Variants in ZNF223 observed in about 807,000 individuals in gnomAD.
ZNF223 encodes the protein zinc finger protein 223.
In ZNF223, 9 loss-of-function variants were observed where a neutral mutation model predicts 12.3. That is an observed-to-expected ratio of 0.73 (90% CI 0.44 to 1.28). ZNF223 has a LOEUF of 1.28. Ranked by LOEUF, ZNF223 falls within the 50% of genes most tolerant of loss-of-function variation. The probability of loss-of-function intolerance (pLI) is 0.00; values close to 1 mark genes in which losing one functional copy is unlikely to be tolerated. For missense variants in ZNF223, 506 were observed against 579.0 expected, an observed-to-expected ratio of 0.87 and a Z score of 1.29; for synonymous variants, 171 against 195.2, an observed-to-expected ratio of 0.88 and a Z score of 1.03.
chr19:44,059,422 T>C, intron 2 of ZNF223, among the ~76,000 whole-genome samples: 1 of 152,148 alleles, frequency 6.6e-6, no homozygotes, highest in East Asian at 1.9e-4. Flanking sequence ...GCTGTTGGTG[T>C]GCACTGTGGC....
At chr19:44,056,585 A>ATTTTTTTTTTTTTTTTT (rs775187674) in intron 2 of ZNF223, among the ~76,000 whole-genome samples, 3 of 72,158 alleles carry the variant, frequency 4.2e-5, no homozygotes, top group African/African-American at 2.0e-4. Context: ...ATGCCTCACC[A>ATTTTTTTTTTTTTTTTT]TTTTTTTTTT....
Position 44,062,222 on chromosome 19 carries a change from G to A in ZNF223, c.235+1381G>A, listed in dbSNP as rs78112898. ...GGAAGCCATAGGGGTTTGATTTCAG[G>A]ACCCCACATGGATACCGAAAGCCAG... On this transcript the variant is annotated intron_variant, in intron 4 of 4. Transcript: ENST00000434772. 8.2e-3 allele frequency among the ~76,000 whole-genome samples: 1,248 copies of A among 152,222 alleles called. 8 individuals are homozygous for A. The highest frequency in any genetic ancestry group is 0.014 in the Middle Eastern group (4 of 294).
Position 44,066,318 on chromosome 19 carries a change from G to C in ZNF223, c.490G>C (p.Asp164His). The change falls in exon 5 of 5, where the codon GAT becomes CAT. Residue 164 changes from aspartate (D) to histidine (H), a missense_variant. Transcript: ENST00000434772. ...ATCCTTCAGTGATATGTCCATCTTTGATCTTCCTCAGCAAATACGCTCAGC... is the reference window on the plus strand; with the variant it reads ...ATCCTTCAGTGATATGTCCATCTTTCATCTTCCTCAGCAAATACGCTCAGC... ...KQSFSDMSIFDLPQQIRSAEK... is the reference protein window; with the variant it reads ...KQSFSDMSIFHLPQQIRSAEK... 6.2e-7 allele frequency: 1 copy of C among 1,614,186 alleles called. No individual in the cohort carries two copies. The highest frequency in any genetic ancestry group is 8.5e-7 in the Non-Finnish European group (1 of 1,180,036).
intron 2 of ZNF223, among the ~76,000 whole-genome samples, chr19:44,057,051 TA>T (rs2147470787): frequency 6.6e-6 from 1 of 152,228 alleles, no homozygotes; most frequent in East Asian, 1.9e-4. Context: ...AAGGCAATTG[TA>T]AAAGAAGAAA....
Position 44,066,872 on chromosome 19 carries a change from A to G in ZNF223, c.1044A>G (p.Glu348=), listed in dbSNP as rs760758071. 1 of 1,614,164 alleles carries G rather than the reference A, an allele frequency of 6.2e-7. No individual in the cohort carries two copies. The highest frequency in any genetic ancestry group is 1.7e-5 in the Admixed American group (1 of 60,026). ...GAGAGAAACCATATAATTGTAAAGAATGTGGGAAGAGCTTCAGACGGTCCT... is the reference window on the plus strand; with the variant it reads ...GAGAGAAACCATATAATTGTAAAGAGTGTGGGAAGAGCTTCAGACGGTCCT... ...HTGEKPYNCK[E]CGKSFRRSSY... The change falls in exon 5 of 5, where the codon GAA becomes GAG. Residue 348 remains glutamate, a synonymous_variant. Transcript: ENST00000434772.
chr19:44,056,361 C>CAAAAAAAAAAAAAAA (rs1227362311), intron 2 of ZNF223, among the ~76,000 whole-genome samples: 1 of 78,852 alleles, frequency 1.3e-5, no homozygotes. Context: ...ACTAAAAATA[C>CAAAAAAAAAAAAAAA]AAAAAAAAAA....
At chr19:44,051,819 A>T (rs1976703904), upstream of ZNF223, 1 of 152,182 alleles carries the variant, frequency 6.6e-6, no homozygotes, top group South Asian at 2.1e-4. Context: ...TTTCCGGAGA[A>T]TTCTGGGAAG....
At chr19:44,061,140 A>G (rs1976833754) in intron 4 of ZNF223, among the ~76,000 whole-genome samples, 1 of 151,690 alleles carries the variant, frequency 6.6e-6, no homozygotes, top group Non-Finnish European at 1.5e-5. Flanking sequence ...CCTGTGGTCT[A>G]CTCTTCATTT....
intron 2 of ZNF223, 143 bp downstream of exon 2, chr19:44,055,334 A>G (rs968916087): frequency 4.6e-6 from 4 of 875,806 alleles, no homozygotes; most frequent in South Asian, 3.1e-5. Flanking sequence ...TTGTAGTATT[A>G]GTGGAGATGG....
rs1333000183 is a variant in ZNF223, at chr19:44,066,100, A to G, written c.272A>G (p.Glu91Gly). Residue 91 changes from glutamate (E) to glycine (G), a missense_variant, in exon 5 of 5, where the codon GAA becomes GGA. Glu to Gly is a moderately conservative substitution (Grantham distance 98, BLOSUM62 -2). Transcript: ENST00000434772. ...CAACCTGAGATGAAGACTTTTCCAG[A>G]AGCAGGACCACATGAAGGGTGGTCC... is the stretch of plus-strand genomic sequence containing the variant. The part of the protein sequence containing the change: ...KIQPEMKTFP[E>G]AGPHEGWSCQ... 6.2e-7 allele frequency: 1 copy of G among 1,603,734 alleles called. No homozygotes were observed. The highest frequency in any genetic ancestry group is 2.2e-5 in the East Asian group (1 of 44,842).
chr19:44,056,850 C>T lies in ZNF223; in HGVS notation c.15+1659C>T, dbSNP rs575156674. Among the ~76,000 whole-genome samples, 644 of 152,068 alleles carry T rather than the reference C, an allele frequency of 4.2e-3. 6 individuals carry two copies. The highest frequency in any genetic ancestry group is 8.3e-3 in the Admixed American group (127 of 15,264). On this transcript the variant is annotated intron_variant, in intron 2 of 4. Coordinates refer to ENST00000434772, the MANE Select transcript of ZNF223 (RefSeq NM_013361.6). Reference sequence around the variant, plus strand: ...GACCTCATGATCTGCCTGCCTCGGCCTCCCAAAGTGCTGGGATTACAAGCG... The same window carrying T: ...GACCTCATGATCTGCCTGCCTCGGCTTCCCAAAGTGCTGGGATTACAAGCG...
Position 44,061,249 on chromosome 19 carries a change from C to T in ZNF223, c.235+408C>T, listed in dbSNP as rs533736314. Among the ~76,000 whole-genome samples, 3 of 152,326 alleles carry T rather than the reference C, an allele frequency of 2.0e-5. No individual in the cohort carries two copies. In the South Asian group the frequency reaches 6.2e-4, roughly 32 times the overall value. On this transcript the variant is annotated intron_variant, in intron 4 of 4. Coordinates refer to ENST00000434772, the MANE Select transcript of ZNF223 (RefSeq NM_013361.6). ...TTATTTCTCCATCCTGCCAAGGACA[C>T]TGTATCACCTGTTGCTGGTACCCAA...
intron 4 of ZNF223, among the ~76,000 whole-genome samples, chr19:44,065,559 T>A (rs147217584): frequency 6.7e-6 from 1 of 149,552 alleles, no homozygotes; most frequent in East Asian, 1.9e-4. Context: ...AAATGTGGTA[T>A]GTTTTTTTCT....
At chr19:44,060,335 G>T in intron 2 of ZNF223, 120 bp from the exon 3 acceptor site, 3 of 1,465,340 alleles carry the variant, frequency 2.0e-6, no homozygotes, top group South Asian at 1.3e-5. Context: ...TCTATAAGTT[G>T]ACCTACATCT....
rs774336001 is a variant in ZNF223, at chr19:44,067,008, C to CTT, written c.1180_1181insTT (p.His394LeufsTer24). On this transcript the variant is annotated frameshift_variant, in exon 5 of 5. Transcript: ENST00000434772. LOFTEE classifies it low-confidence loss of function (END_TRUNC). ...AGGTCTTGACTTGCACCATAGAGCC[C>CTT]ACACAGGAGAGAGACCTTATAACTG... 2.5e-6 allele frequency: 4 copies of CTT among 1,613,080 alleles called. No homozygotes were observed. Among genetic ancestry groups the CTT allele is most frequent in the Non-Finnish European group, 3.4e-6 (4 of 1,179,174 alleles).
chr19:44,052,574 C>G (rs557035345), intron 1 of ZNF223, among the ~76,000 whole-genome samples: 1 of 152,142 alleles, frequency 6.6e-6, no homozygotes, highest in Non-Finnish European at 1.5e-5. Context: ...CATTTCAAAG[C>G]TATAGAAAAA....
rs1288283293 is a variant in ZNF223, at chr19:44,067,321, T to C, written c.*44T>C. The C allele has an allele frequency of 6.7e-7, 1 of 1,500,558 alleles. No individual in the cohort carries two copies. The highest frequency in any genetic ancestry group is 1.4e-5 in the African/African-American group (1 of 71,868). 93.0% of individuals were successfully genotyped at this position (1,500,558 alleles called of 1,614,324 possible). On this transcript the variant is annotated 3_prime_UTR_variant, in exon 5 of 5. Coordinates refer to ENST00000434772, the MANE Select transcript of ZNF223 (RefSeq NM_013361.6). ...GGGTACAGTGTGATATTTAAATATA[T>C]GTATATGATGTATAATGATCAAATC...
chr19:44,056,386 A>C (rs1976765383), intron 2 of ZNF223, among the ~76,000 whole-genome samples: 1 of 122,772 alleles, frequency 8.1e-6, no homozygotes, highest in African/African-American at 2.9e-5. Flanking sequence ...AAAAAAAATT[A>C]GCCGGGCGTG....
Position 44,067,536 on chromosome 19 carries a change from A to C in ZNF223, c.*259A>C, listed in dbSNP as rs1599873191. The C allele has an allele frequency of 4.0e-6, 2 of 502,186 alleles. No homozygotes were observed. The highest frequency in any genetic ancestry group is 3.8e-6 in the Non-Finnish European group (1 of 264,946). 31.1% of individuals were successfully genotyped at this position (502,186 alleles called of 1,614,324 possible). On this transcript the variant is annotated 3_prime_UTR_variant, in exon 5 of 5. Transcript: ENST00000434772. ...CCATTAGCCAACCTTTGGCCATCCC[A>C]CCTATCCCTTACCCTTCCCTGCCTC...
Sources: gnomAD v4.1 joint callset for allele counts (sites outside exome capture counted in the v4.1 genomes callset) on GRCh38, gnomAD v4.1.1 for gene constraint, MANE v1.5 for transcripts, NCBI Gene and HGNC (gene_info 2026-07-23, HGNC 2026-07-21) for gene names.